NALCN: variants seen among roughly 807,000 people sequenced by gnomAD.
The protein encoded by NALCN is sodium leak channel NALCN.
In NALCN, 111 loss-of-function variants were observed where a neutral mutation model predicts 225.3. That is an observed-to-expected ratio of 0.49 (90% CI 0.42 to 0.58). NALCN has a LOEUF of 0.58. Ranked by LOEUF, NALCN falls within the 20% of genes least tolerant of loss-of-function variation. NALCN has a pLI of 0.00. For missense variants in NALCN, 1,378 were observed against 2,202.4 expected (o/e 0.63, Z 7.49); for synonymous variants, 764 against 769.0 (o/e 0.99, Z 0.11).
At chr13:101,158,024 T>C (rs1356717341) in intron 15 of NALCN, among the ~76,000 whole-genome samples, 1 of 152,168 alleles carries the variant, frequency 6.6e-6, no homozygotes, top group Non-Finnish European at 1.5e-5. Context: ...GTGCTGAGAT[T>C]ACAGGGTGAG....
intron 13 of NALCN, among the ~76,000 whole-genome samples, chr13:101,193,286 C>T (rs2140009215): frequency 6.6e-6 from 1 of 152,204 alleles, no homozygotes; most frequent in South Asian, 2.1e-4. Context: ...TCTACCAGGC[C>T]TAATTACATA....
chr13:101,357,691 A>C lies in NALCN; in HGVS notation c.645-12271T>G, dbSNP rs150814205. Among the ~76,000 whole-genome samples the C allele has an allele frequency of 8.2e-4, 125 of 152,260 alleles. 1 individual carries two copies. Among genetic ancestry groups the C allele is most frequent in the Non-Finnish European group, 1.4e-3 (97 of 68,020 alleles). ...CAGAATTAGAAAAAAACTACCCTAAATTTCATATGGAACCAAAAAAGAGCC... is the reference window on the plus strand; with the variant it reads ...CAGAATTAGAAAAAAACTACCCTAACTTTCATATGGAACCAAAAAAGAGCC... On this transcript the variant is annotated intron_variant, in intron 6 of 43. Coordinates refer to ENST00000251127, the MANE Select transcript of NALCN (RefSeq NM_052867.4).
intron 7 of NALCN, among the ~76,000 whole-genome samples, chr13:101,302,431 C>G (rs1320463555): frequency 1.3e-5 from 2 of 151,802 alleles, no homozygotes; most frequent in African/African-American, 2.4e-5. Context: ...AGATTAAAAT[C>G]CAATTTTAAA....
chr13:101,319,489 C>T (rs139217853), intron 7 of NALCN, among the ~76,000 whole-genome samples: 40 of 152,100 alleles, frequency 2.6e-4, no homozygotes, highest in Middle Eastern at 3.4e-3. Flanking sequence ...TGAATCAAAG[C>T]GATTTTATCA....
chr13:101,211,447 A>T (rs1444697503), intron 13 of NALCN, among the ~76,000 whole-genome samples: 1 of 152,032 alleles, frequency 6.6e-6, no homozygotes, highest in Non-Finnish European at 1.5e-5. Context: ...GCAGGAAAAG[A>T]TGGCCAATTT....
At position 101,260,439 on chromosome 13, in the gene NALCN, T is replaced by C. The variant is rs535635709; in HGVS notation, c.1135-1865A>G. ...GCTCAATTTTTAGTTTTTTGAGGAATGTTCAAACTGTTCTCCATAGTGATT... is the reference window on the plus strand; with the variant it reads ...GCTCAATTTTTAGTTTTTTGAGGAACGTTCAAACTGTTCTCCATAGTGATT... On this transcript the variant is annotated intron_variant, in intron 10 of 43. Transcript: ENST00000251127. Among the ~76,000 whole-genome samples, 77 of 152,338 alleles carry C rather than the reference T, an allele frequency of 5.1e-4. 2 individuals carry two copies. The highest frequency in any genetic ancestry group is 1.7e-3 in the African/African-American group (70 of 41,576).
At chr13:101,199,414 T>G (rs867745055) in intron 13 of NALCN, among the ~76,000 whole-genome samples, 27 of 151,408 alleles carry the variant, frequency 1.8e-4, no homozygotes, top group East Asian at 1.4e-3. Context: ...GTCCAACAAT[T>G]ATAGACTGGA....
intron 13 of NALCN, among the ~76,000 whole-genome samples, chr13:101,216,205 T>C (rs2040724267): frequency 6.6e-6 from 1 of 152,120 alleles, no homozygotes; most frequent in African/African-American, 2.4e-5. Context: ...CAGCTCCATG[T>C]ACTCATTTAG....
At chr13:101,189,709 A>G (rs1204901467) in intron 14 of NALCN, among the ~76,000 whole-genome samples, 2 of 152,210 alleles carry the variant, frequency 1.3e-5, no homozygotes, top group African/African-American at 2.4e-5. Flanking sequence ...TGAATTCTCA[A>G]TTGCCTTACA....
intron 27 of NALCN, among the ~76,000 whole-genome samples, chr13:101,097,948 C>G (rs985941921): frequency 3.9e-5 from 6 of 152,160 alleles, no homozygotes; most frequent in African/African-American, 1.4e-4. Flanking sequence ...GAGAAGCATT[C>G]AAGGCAGAAA....
chr13:101,376,768 A>T lies in NALCN; in HGVS notation c.576T>A (p.Tyr192Ter). ...CAAACATCTGAACTCCTAAAATTCC[A>T]TAAAGAAGTAGAAAGAAAAGTAGAA... ...SIFLLFFLLL[Y>*]GILGVQMFGT... Residue 192 changes from tyrosine to a stop codon, truncating the protein, a stop_gained, in exon 6 of 44, where the codon TAT becomes TAA. Coordinates refer to ENST00000251127, the MANE Select transcript of NALCN (RefSeq NM_052867.4). LOFTEE classifies it high-confidence loss of function. The T allele has an allele frequency of 3.7e-6, 6 of 1,613,692 alleles. No individual in the cohort carries two copies. Among genetic ancestry groups the T allele is most frequent in the Non-Finnish European group, 5.1e-6 (6 of 1,179,882 alleles).
intron 12 of NALCN, among the ~76,000 whole-genome samples, chr13:101,233,415 A>G (rs1461647899): frequency 6.8e-6 from 1 of 147,808 alleles, no homozygotes; most frequent in Non-Finnish European, 1.5e-5. Flanking sequence ...ATCTCAGCTC[A>G]CTGCAAGCTC....
chr13:101,187,399 T>C (rs553539486), intron 14 of NALCN, among the ~76,000 whole-genome samples: 3 of 152,228 alleles, frequency 2.0e-5, no homozygotes, highest in East Asian at 1.9e-4. Context: ...ACAATTATTA[T>C]TTGTTAACTA....
chr13:101,246,543 A>G (rs1298875016), intron 11 of NALCN, among the ~76,000 whole-genome samples: 1 of 152,188 alleles, frequency 6.6e-6, no homozygotes, highest in Non-Finnish European at 1.5e-5. Context: ...GTATGTTATA[A>G]AGAGCAAATT....
At chr13:101,281,073 G>A (rs1001775464) in intron 10 of NALCN, among the ~76,000 whole-genome samples, 1 of 152,006 alleles carries the variant, frequency 6.6e-6, no homozygotes, top group Admixed American at 6.6e-5. Flanking sequence ...TAGAGATGGG[G>A]TTTCACCATG....
Position 101,292,198 on chromosome 13 carries a change from T to C in NALCN, c.942+26A>G, listed in dbSNP as rs1228580613. ...TGCAGAACTATCACAGAACATAGACTTTCTTAGTACAATTCTTCGCAGTAC... is the reference window on the plus strand; with the variant it reads ...TGCAGAACTATCACAGAACATAGACCTTCTTAGTACAATTCTTCGCAGTAC... On this transcript the variant is annotated intron_variant, in intron 8 of 43. Coordinates refer to ENST00000251127, the MANE Select transcript of NALCN (RefSeq NM_052867.4). The surrounding 1 kb of genome is among the most constrained non-coding windows in gnomAD (Gnocchi z 4.3). 6.2e-7 allele frequency: 1 copy of C among 1,613,476 alleles called. No homozygotes were observed. The highest frequency in any genetic ancestry group is 2.2e-5 in the East Asian group (1 of 44,814).
chr13:101,061,076 TGTGA>T, intron 41 of NALCN, among the ~76,000 whole-genome samples: 1 of 152,246 alleles, frequency 6.6e-6, no homozygotes, highest in Non-Finnish European at 1.5e-5. Flanking sequence ...TTTCCCTGTC[TGTGA>T]AACATGCCAA....
intron 11 of NALCN, among the ~76,000 whole-genome samples, chr13:101,254,254 T>C (rs2042147977): frequency 1.3e-5 from 2 of 150,418 alleles, no homozygotes; most frequent in South Asian, 4.2e-4. Flanking sequence ...GTGCCTGTTA[T>C]CCCAGCTTCT....
rs192096654 is a variant in NALCN at position 101,302,404 on chromosome 13, C to T, written c.800-10038G>A. Among the ~76,000 whole-genome samples the T allele has an allele frequency of 2.6e-3, 402 of 151,936 alleles. 2 individuals carry two copies. Among genetic ancestry groups the T allele is most frequent in the African/African-American group, 8.8e-3 (366 of 41,438 alleles). The stretch of plus-strand genomic sequence containing the variant: ...ACCAAGATTGGAAATAAATAATTGA[C>T]GTTTGTTTATAAAGGCAGATTAAAA... On this transcript the variant is annotated intron_variant, in intron 7 of 43. Coordinates refer to ENST00000251127, the MANE Select transcript of NALCN (RefSeq NM_052867.4).
Sources: allele counts gnomAD v4.1 joint callset (sites outside exome capture counted in the v4.1 genomes callset), GRCh38; gene constraint gnomAD v4.1.1; non-coding constraint Gnocchi (gnomAD v3.1); transcripts MANE v1.5; gene names NCBI Gene and HGNC (gene_info 2026-07-23, HGNC 2026-07-21).